Variants in FOXJ3 observed in about 807,000 individuals in gnomAD.
FOXJ3 encodes forkhead box J3.
FOXJ3 carries 22 observed loss-of-function variants against 76.1 expected under a neutral mutation model. The observed-to-expected ratio is 0.29, with a 90% CI of 0.21 to 0.41. The LOEUF (loss-of-function observed/expected upper bound fraction) is 0.41. Ranked by LOEUF, FOXJ3 falls within the 10% of genes least tolerant of loss-of-function variation. The probability of loss-of-function intolerance (pLI) is 1.00; values close to 1 mark genes in which losing one functional copy is unlikely to be tolerated. For missense variants in FOXJ3, 613 were observed against 762.1 expected (o/e 0.80, Z 2.30); for synonymous variants, 269 against 261.2 (o/e 1.03, Z -0.29).
chr1:42,314,781 T>C (rs1379304046), intron 1 of FOXJ3, among the ~76,000 whole-genome samples: 1 of 152,208 alleles, frequency 6.6e-6, no homozygotes, highest in Admixed American at 6.5e-5. Context: ...AACACAGAGT[T>C]ACCATAAAAC....
In FOXJ3 at chr1:42,187,999, G is replaced by A. The variant is rs538965461; in HGVS notation, c.1645+738C>T. On this transcript the variant is annotated intron_variant, in intron 11 of 12. Coordinates refer to ENST00000361346, the MANE Select transcript of FOXJ3 (RefSeq NM_014947.5). ...GAATAAACTCAAACCATGGGTGAAC[G>A]AAAGATGTGAAGTAAGATAGAATAA... is the stretch of plus-strand genomic sequence containing the variant. 3.9e-4 allele frequency among the ~76,000 whole-genome samples: 59 copies of A among 152,298 alleles called. 1 individual carries two copies. In the South Asian group the frequency reaches 7.5e-3, roughly 19 times the overall value.
intron 4 of FOXJ3, among the ~76,000 whole-genome samples, chr1:42,235,406 T>C (rs1235351415): frequency 6.6e-6 from 1 of 152,178 alleles, no homozygotes; most frequent in Non-Finnish European, 1.5e-5. Context: ...CTGCACCCAC[T>C]GTCCTGCACC....
At chr1:42,268,174 G>A (rs536317148) in intron 3 of FOXJ3, among the ~76,000 whole-genome samples, 40 of 151,728 alleles carry the variant, frequency 2.6e-4, no homozygotes, top group African/African-American at 9.4e-4. Context: ...ACAGTGAAAG[G>A]GCTAAAAATC....
At chr1:42,229,967 C>CT (rs1247201059) in intron 4 of FOXJ3, among the ~76,000 whole-genome samples, 1 of 152,162 alleles carries the variant, frequency 6.6e-6, no homozygotes, top group African/African-American at 2.4e-5. Flanking sequence ...AATGTCCAAA[C>CT]TTGACCCTGA....
intron 4 of FOXJ3, among the ~76,000 whole-genome samples, chr1:42,264,013 G>A (rs1459221702): frequency 3.1e-5 from 4 of 129,046 alleles, no homozygotes; most frequent in Non-Finnish European, 6.2e-5. Flanking sequence ...ATCGAGCCCA[G>A]CCATTGAGAG....
intron 6 of FOXJ3, among the ~76,000 whole-genome samples, chr1:42,199,535 TTAAA>T (rs1646717659): frequency 6.6e-6 from 1 of 152,152 alleles, no homozygotes; most frequent in Non-Finnish European, 1.5e-5. Flanking sequence ...TTTTACTTTA[TTAAA>T]TATTTCTATA....
chr1:42,290,462 T>C (rs1653346661), intron 2 of FOXJ3, among the ~76,000 whole-genome samples: 1 of 152,164 alleles, frequency 6.6e-6, no homozygotes, highest in Non-Finnish European at 1.5e-5. Flanking sequence ...TGAAGATAAC[T>C]GACTTACATG....
chr1:42,213,352 G>A (rs1367048503), intron 5 of FOXJ3, among the ~76,000 whole-genome samples: 4 of 151,672 alleles, frequency 2.6e-5, no homozygotes, highest in Admixed American at 2.0e-4. Context: ...AACATGTAAG[G>A]ATTCTTAAAG....
intron 2 of FOXJ3, among the ~76,000 whole-genome samples, chr1:42,280,917 T>A (rs1003731381): frequency 1.3e-5 from 2 of 152,238 alleles, no homozygotes; most frequent in Admixed American, 6.5e-5. Flanking sequence ...TACCATGCTG[T>A]CATCCAATTT....
intron 4 of FOXJ3, among the ~76,000 whole-genome samples, chr1:42,249,770 G>C (rs1364980457): frequency 2.0e-5 from 3 of 152,112 alleles, no homozygotes; most frequent in Admixed American, 6.5e-5. Flanking sequence ...CAATTGAATG[G>C]AACAGATCAA....
intron 4 of FOXJ3, among the ~76,000 whole-genome samples, chr1:42,258,767 C>T (rs1650803581): frequency 6.6e-6 from 1 of 152,140 alleles, no homozygotes; most frequent in Admixed American, 6.5e-5. Context: ...GATTAACAGA[C>T]ATATCTTGCT....
intron 4 of FOXJ3, among the ~76,000 whole-genome samples, chr1:42,231,597 C>G (rs1648121510): frequency 6.6e-6 from 1 of 152,148 alleles, no homozygotes; most frequent in African/African-American, 2.4e-5. Flanking sequence ...TATTACTGAA[C>G]TGTACACCTA....
At chr1:42,306,092 G>C (rs7530567) in intron 2 of FOXJ3, among the ~76,000 whole-genome samples, 106,356 of 152,010 alleles carry the variant, frequency 0.7, 37,958 homozygotes, top group Admixed American at 0.8. Flanking sequence ...ATATTCACTT[G>C]TCTACATAAA....
At chr1:42,202,136 A>G (rs894164279) in intron 6 of FOXJ3, among the ~76,000 whole-genome samples, 1 of 151,862 alleles carries the variant, frequency 6.6e-6, no homozygotes, top group Non-Finnish European at 1.5e-5. Flanking sequence ...AAAGCTTTTT[A>G]TTGCTGTATT....
At chr1:42,231,422 C>G (rs971171010) in intron 4 of FOXJ3, among the ~76,000 whole-genome samples, 1 of 151,990 alleles carries the variant, frequency 6.6e-6, no homozygotes, top group Non-Finnish European at 1.5e-5. Flanking sequence ...CTTATAAGTA[C>G]TAAAATTCTT....
At chr1:42,265,266 AT>A in intron 3 of FOXJ3, 77 bp from the exon 4 acceptor site, 1 of 713,130 alleles carries the variant, frequency 1.4e-6, no homozygotes, top group Non-Finnish European at 2.3e-6. Flanking sequence ...AGAATTAGAA[AT>A]CTAAACATCT....
intron 2 of FOXJ3, among the ~76,000 whole-genome samples, chr1:42,308,897 T>G (rs1181817362): frequency 6.7e-6 from 1 of 148,844 alleles, no homozygotes; most frequent in Non-Finnish European, 1.5e-5. Context: ...TTTCAGTCAA[T>G]TACATTAATA....
intron 4 of FOXJ3, among the ~76,000 whole-genome samples, chr1:42,247,992 A>G (rs1649682717): frequency 6.6e-6 from 1 of 152,232 alleles, no homozygotes; most frequent in South Asian, 2.1e-4. Context: ...AAGTGAAAGA[A>G]GTCCAAAATG....
intron 2 of FOXJ3, among the ~76,000 whole-genome samples, chr1:42,287,781 C>T (rs1199183118): frequency 6.6e-6 from 1 of 151,922 alleles, no homozygotes; most frequent in Non-Finnish European, 1.5e-5. Context: ...GGCAACATGG[C>T]GAAACCCCGT....
Sources: gnomAD v4.1 joint callset for allele counts (sites outside exome capture counted in the v4.1 genomes callset) on GRCh38, gnomAD v4.1.1 for gene constraint, MANE v1.5 for transcripts, NCBI Gene and HGNC (gene_info 2026-07-23, HGNC 2026-07-21) for gene names.